Variants in ZNF100 observed in about 807,000 individuals in gnomAD.
ZNF100 encodes the protein zinc finger protein 100 (Y1).
Under a neutral mutation model 15.8 loss-of-function variants are expected in ZNF100, and 12 were observed. The observed-to-expected ratio is 0.76, with a 90% confidence interval of 0.49 to 1.23. ZNF100 has a LOEUF of 1.23. Ranked by LOEUF, ZNF100 falls within the 50% of genes most tolerant of loss-of-function variation. The pLI is 0.00. For synonymous variants in ZNF100, 226 were observed against 214.8 expected (o/e 1.05, Z -0.45); for missense variants, 670 against 635.6 (o/e 1.05, Z -0.58).
intron 4 of ZNF100, among the ~76,000 whole-genome samples, chr19:21,738,019 G>C (rs533463867): frequency 1.3e-5 from 2 of 152,022 alleles, no homozygotes; most frequent in Non-Finnish European, 2.9e-5. Context: ...GAGAGGCTGA[G>C]GCGGGCAGAT....
intron 4 of ZNF100, among the ~76,000 whole-genome samples, chr19:21,732,587 T>G (rs2145693017): frequency 6.6e-6 from 1 of 151,450 alleles, no homozygotes; most frequent in Non-Finnish European, 1.5e-5. Flanking sequence ...CAACTGGTGT[T>G]AGGTGTCATA....
chr19:21,737,090 AAATC>A (rs1568296292), intron 4 of ZNF100, among the ~76,000 whole-genome samples: 1 of 152,144 alleles, frequency 6.6e-6, no homozygotes, highest in Non-Finnish European at 1.5e-5. Context: ...CCCTTCAAAA[AAATC>A]AATATATCCA....
At chr19:21,731,673 T>C (rs1268687827) in intron 4 of ZNF100, among the ~76,000 whole-genome samples, 1 of 152,048 alleles carries the variant, frequency 6.6e-6, no homozygotes, top group Admixed American at 6.6e-5. Flanking sequence ...TGGAATATCA[T>C]CCAGGATTTA....
At chr19:21,730,969 T>G (rs568348334) in intron 4 of ZNF100, among the ~76,000 whole-genome samples, 1 of 152,302 alleles carries the variant, frequency 6.6e-6, no homozygotes, top group Non-Finnish European at 1.5e-5. Flanking sequence ...TTTAGTGCAA[T>G]GTTGTTAAAA....
At chr19:21,752,646 T>TA (rs2036327849) in intron 2 of ZNF100, 1 of 152,568 alleles carries the variant, frequency 6.6e-6, no homozygotes. Flanking sequence ...CATTTTCTGA[T>TA]AATTTTTATC....
Position 21,726,476 on chromosome 19 carries a change from T to A in ZNF100, c.*207A>T. On this transcript the variant is annotated 3_prime_UTR_variant, in exon 5 of 5. Transcript: ENST00000358296. Reference sequence around the variant, plus strand: ...TTTCTCAACACTATGATTTATGTTTTGAAAAGTTTGAGGTGTTTTCAAAGC... The same window carrying A: ...TTTCTCAACACTATGATTTATGTTTAGAAAAGTTTGAGGTGTTTTCAAAGC... 1.9e-6 allele frequency: 1 copy of A among 528,108 alleles called. No individual in the cohort carries two copies. The highest frequency in any genetic ancestry group is 3.3e-6 in the Non-Finnish European group (1 of 303,418). The allele number at this position is 528,108 out of a possible 1,614,324, so 32.7% of individuals were successfully genotyped here.
Position 21,726,483 on chromosome 19 carries a change from T to C in ZNF100, c.*200A>G, listed in dbSNP as rs2035787698. 1 of 540,900 alleles carries C rather than the reference T, an allele frequency of 1.8e-6. No homozygotes were observed. Among genetic ancestry groups the C allele is most frequent in the South Asian group, 3.4e-5 (1 of 29,242 alleles). The allele number at this position is 540,900 out of a possible 1,614,324, so 33.5% of individuals were successfully genotyped here. A position where few individuals can be genotyped will look rare whatever the true frequency, so the allele number is the denominator to read the frequency against. On this transcript the variant is annotated 3_prime_UTR_variant, in exon 5 of 5. Transcript: ENST00000358296. The stretch of plus-strand genomic sequence containing the variant: ...ACACTATGATTTATGTTTTGAAAAG[T>C]TTGAGGTGTTTTCAAAGCACTGTCA...
intron 2 of ZNF100, among the ~76,000 whole-genome samples, chr19:21,763,976 C>T (rs1173810138): frequency 6.6e-6 from 1 of 152,060 alleles, no homozygotes; most frequent in Non-Finnish European, 1.5e-5. Flanking sequence ...AAAACAATAA[C>T]AACTTCATCA....
chr19:21,739,189 A>C (rs1343301624), intron 4 of ZNF100, among the ~76,000 whole-genome samples: 1 of 152,192 alleles, frequency 6.6e-6, no homozygotes, highest in Non-Finnish European at 1.5e-5. Flanking sequence ...ACATGTACAA[A>C]ATTTTTCAGT....
intron 4 of ZNF100, among the ~76,000 whole-genome samples, chr19:21,743,445 C>A (rs1185409696): frequency 6.6e-6 from 1 of 152,022 alleles, no homozygotes; most frequent in African/African-American, 2.4e-5. Flanking sequence ...TAAGAAACTG[C>A]AATAAACTTC....
intron 2 of ZNF100, among the ~76,000 whole-genome samples, chr19:21,748,742 T>C (rs965631380): frequency 2.0e-4 from 31 of 152,354 alleles, no homozygotes; most frequent in South Asian, 8.3e-4. Flanking sequence ...TTCATTCTTG[T>C]CACCCAGGCT....
intron 4 of ZNF100, among the ~76,000 whole-genome samples, chr19:21,738,841 AG>A (rs1256115783): frequency 2.0e-5 from 3 of 152,072 alleles, no homozygotes; most frequent in African/African-American, 7.2e-5. Context: ...GCTACTTGGG[AG>A]GCTGAGGCAA....
chr19:21,740,063 C>T (rs1220194455), intron 4 of ZNF100, among the ~76,000 whole-genome samples: 2 of 152,058 alleles, frequency 1.3e-5, no homozygotes, highest in Non-Finnish European at 2.9e-5. Context: ...AGGCATTATA[C>T]TTCCCGATTT....
chr19:21,751,913 C>G, intron 2 of ZNF100: 1 of 563,864 alleles, frequency 1.8e-6, no homozygotes, highest in Non-Finnish European at 3.2e-6. Flanking sequence ...AAGCCATCCT[C>G]TCTTAAAGGG....
chr19:21,756,470 CATA>C (rs2036394850), intron 2 of ZNF100, among the ~76,000 whole-genome samples: 1 of 146,458 alleles, frequency 6.8e-6, no homozygotes, highest in Admixed American at 7.2e-5. Flanking sequence ...AAATCAAAAA[CATA>C]ATGCCATTCA....
rs569310040 is a variant in ZNF100, at chr19:21,752,076, T to C, written c.97-7009A>G. 12 of 220,750 alleles carry C rather than the reference T, an allele frequency of 5.4e-5. No individual in the cohort carries two copies. The South Asian group carries it at 1.2e-3, about 23-fold the overall frequency. The allele number at this position is 220,750 out of a possible 1,614,324, so 13.7% of individuals were successfully genotyped here. On this transcript the variant is annotated intron_variant, in intron 2 of 4. Coordinates refer to ENST00000358296, the MANE Select transcript of ZNF100 (RefSeq NM_173531.4). ...CACGGACAACAAGGATCATACTCCA[T>C]AGAAAAGAATGGGACCTTGTCAATG...
intron 2 of ZNF100, among the ~76,000 whole-genome samples, chr19:21,758,929 GTTCCA>G: frequency 6.6e-6 from 1 of 152,228 alleles, no homozygotes; most frequent in Middle Eastern, 3.4e-3. Flanking sequence ...GACACCAAGA[GTTCCA>G]TTCCAGGCCA....
intron 2 of ZNF100, among the ~76,000 whole-genome samples, chr19:21,755,146 T>A (rs2036371577): frequency 1.3e-5 from 2 of 151,960 alleles, no homozygotes; most frequent in South Asian, 4.1e-4. Flanking sequence ...AACCCGTCTC[T>A]ACTAAAAATA....
intron 4 of ZNF100, 61 bp downstream of exon 4, chr19:21,743,956 G>A: frequency 6.7e-7 from 1 of 1,485,288 alleles, no homozygotes; most frequent in Non-Finnish European, 9.0e-7. Flanking sequence ...TTAATGACCA[G>A]CTTTCTTTTT....
Sources: allele counts gnomAD v4.1 joint callset (sites outside exome capture counted in the v4.1 genomes callset), GRCh38; gene constraint gnomAD v4.1.1; transcripts MANE v1.5; gene names NCBI Gene and HGNC (gene_info 2026-07-23, HGNC 2026-07-21).